Variants in MAP2K4 observed in about 807,000 individuals in gnomAD.
MAP2K4 encodes dual specificity mitogen-activated protein kinase kinase 4.
A neutral mutation model predicts 48.5 loss-of-function variants in MAP2K4; 4 were observed. The observed-to-expected ratio is 0.08, with a 90% CI of 0.04 to 0.19. The LOEUF is 0.19. MAP2K4 is among the 10% of genes least tolerant of loss of function. The probability of loss-of-function intolerance (pLI) is 1.00; values close to 1 mark genes in which losing one functional copy is unlikely to be tolerated. For synonymous variants in MAP2K4, 166 were observed against 173.1 expected (o/e 0.96, Z 0.32); for missense variants, 258 against 493.3 (o/e 0.52, Z 4.52).
chr17:12,093,357 AT>A (rs1971625644), intron 3 of MAP2K4, among the ~76,000 whole-genome samples: 1 of 152,206 alleles, frequency 6.6e-6, no homozygotes, highest in Non-Finnish European at 1.5e-5. Context: ...AGTGTTAGGT[AT>A]CAGTAAGATG....
chr17:12,118,091 CAT>C (rs1972559801), intron 7 of MAP2K4, among the ~76,000 whole-genome samples: 1 of 152,142 alleles, frequency 6.6e-6, no homozygotes, highest in African/African-American at 2.4e-5. Context: ...TAAGAAAAAA[CAT>C]AGCATTAACT....
chr17:12,055,182 T>G (rs1037722654), intron 2 of MAP2K4, among the ~76,000 whole-genome samples, 191 bp downstream of exon 2: 1 of 152,148 alleles, frequency 6.6e-6, no homozygotes, highest in Non-Finnish European at 1.5e-5. Flanking sequence ...GACTGTCTTC[T>G]GTCCAACTGT....
chr17:12,023,429 G>A (rs1250358919), intron 1 of MAP2K4, among the ~76,000 whole-genome samples: 1 of 152,154 alleles, frequency 6.6e-6, no homozygotes. Context: ...CTTTAGATCA[G>A]ACTTCACAGA....
intron 3 of MAP2K4, among the ~76,000 whole-genome samples, chr17:12,091,258 A>G (rs921071407): frequency 2.6e-5 from 4 of 152,366 alleles, no homozygotes; most frequent in East Asian, 1.9e-4. Context: ...AAATCTACCA[A>G]TGACTTCCAG....
chr17:12,130,375 G>A (rs1729483411), intron 9 of MAP2K4, among the ~76,000 whole-genome samples: 1 of 152,086 alleles, frequency 6.6e-6, no homozygotes, highest in African/African-American at 2.4e-5. Flanking sequence ...AATCAATTCT[G>A]TACTAATTTG....
intron 7 of MAP2K4, among the ~76,000 whole-genome samples, chr17:12,122,030 A>G (rs1002954429): frequency 6.6e-6 from 1 of 152,262 alleles, no homozygotes; most frequent in African/African-American, 2.4e-5. Flanking sequence ...AAAGGAAAAT[A>G]AAAACTTGGG....
intron 4 of MAP2K4, among the ~76,000 whole-genome samples, chr17:12,100,208 T>C (rs1971896354): frequency 6.6e-6 from 1 of 152,218 alleles, no homozygotes; most frequent in Non-Finnish European, 1.5e-5. Flanking sequence ...TTACACCACG[T>C]AGGTAATACC....
At chr17:12,070,505 T>C (rs1032326537) in intron 2 of MAP2K4, among the ~76,000 whole-genome samples, 2 of 152,182 alleles carry the variant, frequency 1.3e-5, no homozygotes, top group African/African-American at 4.8e-5. Context: ...AACAGAACTA[T>C]AGGATTTGGG....
intron 7 of MAP2K4, among the ~76,000 whole-genome samples, chr17:12,121,058 G>C (rs146764809): frequency 1.3e-5 from 2 of 152,164 alleles, no homozygotes; most frequent in African/African-American, 4.8e-5. Flanking sequence ...TTCCGAGTCC[G>C]GAATGATGGT....
intron 1 of MAP2K4, among the ~76,000 whole-genome samples, chr17:12,044,905 C>G (rs1476783072): frequency 6.6e-6 from 1 of 152,204 alleles, no homozygotes. Context: ...CTAGGTGCTG[C>G]CAGTCATCAG....
chr17:12,078,899 A>G (rs981610829), intron 2 of MAP2K4, among the ~76,000 whole-genome samples: 1 of 152,172 alleles, frequency 6.6e-6, no homozygotes, highest in African/African-American at 2.4e-5. Context: ...TTGCTGTGAA[A>G]TGGACTCAGT....
intron 2 of MAP2K4, among the ~76,000 whole-genome samples, chr17:12,067,389 T>C (rs1267415974): frequency 6.6e-6 from 1 of 152,180 alleles, no homozygotes; most frequent in Non-Finnish European, 1.5e-5. Context: ...GTTGAGATAC[T>C]AGATTGGAAA....
chr17:12,054,184 A>T (rs1409732595), intron 1 of MAP2K4, among the ~76,000 whole-genome samples: 1 of 152,150 alleles, frequency 6.6e-6, no homozygotes, highest in Non-Finnish European at 1.5e-5. Context: ...TAGTTAGTAA[A>T]CTGATTATTT....
chr17:12,043,277 A>G (rs149981417), intron 1 of MAP2K4, among the ~76,000 whole-genome samples: 4 of 152,340 alleles, frequency 2.6e-5, no homozygotes, highest in East Asian at 3.9e-4. Flanking sequence ...ATAAAAACCA[A>G]TTACAAATAT....
At chr17:12,134,060 G>A (rs909829197) in intron 9 of MAP2K4, among the ~76,000 whole-genome samples, 4 of 152,232 alleles carry the variant, frequency 2.6e-5, no homozygotes, top group African/African-American at 9.6e-5. Context: ...GGAGCACAGT[G>A]CATGCTGTTA....
intron 5 of MAP2K4, 102 bp from the exon 6 acceptor site, chr17:12,110,273 T>C (rs1013423266): frequency 1.3e-6 from 1 of 756,626 alleles, no homozygotes; most frequent in Non-Finnish European, 2.3e-6. Context: ...AAGCTTAAAA[T>C]GTATGCAGAG....
At chr17:12,103,849 T>A (rs943787092) in intron 4 of MAP2K4, among the ~76,000 whole-genome samples, 8 of 152,146 alleles carry the variant, frequency 5.3e-5, no homozygotes, top group African/African-American at 1.9e-4. Flanking sequence ...ATATACAGAT[T>A]TAGTTAATTT....
rs1969040278 is a variant in MAP2K4 at position 12,021,351 on chromosome 17, G to C, written c.115+350G>C. ...GCGCCCGCCCGGCCCCCGTTTCCGG[G>C]AACGCGCCGGCTCGGGGCTGCGGCG... On this transcript the variant is annotated intron_variant, in intron 1 of 10. Coordinates refer to ENST00000353533, the MANE Select transcript of MAP2K4 (RefSeq NM_003010.4). 1.9e-5 allele frequency: 3 copies of C among 159,646 alleles called. No individual in the cohort carries two copies. In the Admixed American group the frequency reaches 1.9e-4, roughly 10 times the overall value. 9.9% of individuals were successfully genotyped at this position (159,646 alleles called of 1,614,324 possible).
At chr17:12,139,951 A>G in intron 10 of MAP2K4, 67 bp downstream of exon 10, 2 of 1,143,274 alleles carry the variant, frequency 1.7e-6, no homozygotes, top group South Asian at 2.0e-5. Flanking sequence ...ATGCTGGTTC[A>G]CTAAGCAAGC....
Sources: gnomAD v4.1 joint callset for allele counts (sites outside exome capture counted in the v4.1 genomes callset) on GRCh38, gnomAD v4.1.1 for gene constraint, MANE v1.5 for transcripts, NCBI Gene and HGNC (gene_info 2026-07-23, HGNC 2026-07-21) for gene names.